TRERF1: variants seen among roughly 807,000 people sequenced by gnomAD.
TRERF1 encodes the protein transcriptional regulating factor 1, also known as transcriptional-regulating factor 1.
TRERF1 carries 27 observed loss-of-function variants against 122.9 expected under a neutral mutation model. That is an observed-to-expected ratio of 0.22 (90% confidence interval 0.16 to 0.30). The LOEUF (loss-of-function observed/expected upper bound fraction) is 0.30. Ranked by LOEUF, TRERF1 falls within the 10% of genes least tolerant of loss-of-function variation. The pLI is 1.00. For synonymous variants in TRERF1, 636 were observed against 641.7 expected (o/e 0.99, Z 0.13); for missense variants, 1,248 against 1,560.3 (o/e 0.80, Z 3.37).
intron 2 of TRERF1, among the ~76,000 whole-genome samples, chr6:42,409,754 G>A (rs143039416): frequency 2.0e-4 from 31 of 152,248 alleles, no homozygotes; most frequent in African/African-American, 7.0e-4. Context: ...TGTTAAATAA[G>A]AGTAGAGATA....
At chr6:42,330,128 G>C (rs1425259924) in intron 3 of TRERF1, among the ~76,000 whole-genome samples, 3 of 152,044 alleles carry the variant, frequency 2.0e-5, no homozygotes, top group Non-Finnish European at 4.4e-5. Context: ...AAATCAATAA[G>C]AAAATAACCA....
chr6:42,277,676 C>T (rs752291002), intron 4 of TRERF1, among the ~76,000 whole-genome samples: 10 of 152,074 alleles, frequency 6.6e-5, no homozygotes, highest in Non-Finnish European at 1.5e-4. Flanking sequence ...CATAGTGAGA[C>T]CCCATTTCTA....
Position 42,331,997 on chromosome 6 carries a change from C to T in TRERF1, c.-371+31000G>A, listed in dbSNP as rs150270116. Among the ~76,000 whole-genome samples, 38 of 152,332 alleles carry T rather than the reference C, an allele frequency of 2.5e-4. No homozygotes were observed. The East Asian group carries it at 6.0e-3, about 24-fold the overall frequency. On this transcript the variant is annotated intron_variant, in intron 3 of 17. Transcript: ENST00000372922. ...TTACTCTGTCGCCCAGGCTACAGTA[C>T]GGTGGTGTGATCTTGGCTCACTGCA...
In TRERF1 at chr6:42,256,706, CCT is replaced by C; in HGVS notation, c.2580+20_2580+21del. 6.2e-7 allele frequency: 1 copy of C among 1,600,686 alleles called. No homozygotes were observed. Among genetic ancestry groups the C allele is most frequent in the Non-Finnish European group, 8.6e-7 (1 of 1,167,794 alleles). Reference sequence around the variant, plus strand: ...AAATACTCTTCAGGAATTTGTAAAGCCTCTTTTTCATGGTTCCTTACCATCAC... The same window carrying C: ...AAATACTCTTCAGGAATTTGTAAAGCCTTTTTCATGGTTCCTTACCATCAC... On this transcript the variant is annotated intron_variant, in intron 12 of 17. Coordinates refer to ENST00000372922, the Ensembl canonical transcript of TRERF1.
chr6:42,322,260 T>C (rs1434385291), intron 3 of TRERF1, among the ~76,000 whole-genome samples: 1 of 152,064 alleles, frequency 6.6e-6, no homozygotes, highest in East Asian at 1.9e-4. Flanking sequence ...TAAGTTGTTA[T>C]CTATCATAAC....
At chr6:42,332,300 A>C (rs960178556) in intron 3 of TRERF1, among the ~76,000 whole-genome samples, 2 of 152,264 alleles carry the variant, frequency 1.3e-5, no homozygotes, top group Non-Finnish European at 2.9e-5. Flanking sequence ...TGAGAGAGAC[A>C]AGGTGAGGTG....
chr6:42,306,165 C>G (rs144034475), intron 3 of TRERF1, among the ~76,000 whole-genome samples: 1 of 151,830 alleles, frequency 6.6e-6, no homozygotes, highest in Non-Finnish European at 1.5e-5. Context: ...CCATGCCCAG[C>G]TAATTTTTGT....
chr6:42,331,249 G>A (rs1240868953), intron 3 of TRERF1, among the ~76,000 whole-genome samples: 2 of 152,192 alleles, frequency 1.3e-5, no homozygotes, highest in Non-Finnish European at 2.9e-5. Context: ...TGGTAACTGA[G>A]GCAGCAGGAC....
intron 3 of TRERF1, among the ~76,000 whole-genome samples, chr6:42,316,274 C>T (rs1437186478): frequency 6.6e-6 from 1 of 152,118 alleles, no homozygotes; most frequent in Non-Finnish European, 1.5e-5. Flanking sequence ...TGGTCTGCCT[C>T]AGTGGAAAGA....
chr6:42,411,508 A>G (rs974732689), intron 2 of TRERF1, among the ~76,000 whole-genome samples: 4 of 152,230 alleles, frequency 2.6e-5, no homozygotes, highest in African/African-American at 4.8e-5. Context: ...ACTGAGACTC[A>G]GAGAAGGAAA....
At chr6:42,351,425 T>C (rs1032081232) in intron 3 of TRERF1, among the ~76,000 whole-genome samples, 3 of 152,226 alleles carry the variant, frequency 2.0e-5, no homozygotes, top group South Asian at 2.1e-4. Context: ...GAATAATATG[T>C]CGGCTTTAAA....
chr6:42,268,010 G>T lies in TRERF1; in HGVS notation c.1437+144C>A. 3 of 1,019,964 alleles carry T rather than the reference G, an allele frequency of 2.9e-6. No homozygotes were observed. The highest frequency in any genetic ancestry group is 3.9e-6 in the Non-Finnish European group (3 of 761,236). The allele number at this position is 1,019,964 out of a possible 1,614,324, so 63.2% of individuals were successfully genotyped here. ...ATTCCAAGTGCTTGGCACAGACAGTGCGTGACACATGTAGGTTAATGTTTG... is the reference window on the plus strand; with the variant it reads ...ATTCCAAGTGCTTGGCACAGACAGTTCGTGACACATGTAGGTTAATGTTTG... On this transcript the variant is annotated intron_variant, in intron 5 of 17. Transcript: ENST00000372922. This position sits in a 1 kb window ranked among gnomAD's most constrained non-coding sequence, Gnocchi z 4.4.
chr6:42,248,357 C>CTT (rs112540098), intron 13 of TRERF1, among the ~76,000 whole-genome samples: 1 of 145,978 alleles, frequency 6.9e-6, no homozygotes, highest in African/African-American at 2.5e-5. Flanking sequence ...TTATCTTTTT[C>CTT]TTTTTTTTTT....
chr6:42,306,658 C>A (rs936817181), intron 3 of TRERF1, among the ~76,000 whole-genome samples: 2 of 152,236 alleles, frequency 1.3e-5, no homozygotes. Context: ...ACCCCAGGGC[C>A]TTTGCACATG....
chr6:42,232,885 C>G lies in TRERF1; in HGVS notation c.3074G>C (p.Ser1025Thr). The G allele has an allele frequency of 1.9e-6, 3 of 1,600,152 alleles. No homozygotes were observed. The highest frequency in any genetic ancestry group is 2.6e-6 in the Non-Finnish European group (3 of 1,172,338). ...ATGGCCATTCAGTGCCTGTCGGGAG[C>G]TGAACACCTGGGGAAGAAAGGGAGT... Residue 1025 changes from serine (S) to threonine (T), a missense_variant, in exon 17 of 18, where the codon AGC becomes ACC. Around this residue, in one of 5 missense-constraint regions of TRERF1, gnomAD observed 159 missense variants for 221.7 expected, o/e 0.72. Coordinates refer to ENST00000372922, the Ensembl canonical transcript of TRERF1. The surrounding 1 kb of genome is among the most constrained non-coding windows in gnomAD (Gnocchi z 4.5).
At chr6:42,411,309 G>A (rs576393959) in intron 2 of TRERF1, among the ~76,000 whole-genome samples, 83 of 152,254 alleles carry the variant, frequency 5.5e-4, no homozygotes, top group Non-Finnish European at 1.0e-3. Context: ...ACTGAGGTCC[G>A]GGAGGGTTAA....
In TRERF1 at chr6:42,259,667, G is replaced by A; in HGVS notation, c.1941C>T (p.Thr647=). ...GCCGGAACTTTTTCTTCTCCTGCAC[G>A]GTCTTGAGGGGCTCCTCGGCTTTGG... Residue 647 remains threonine (T), a synonymous_variant, in exon 9 of 18, where the codon ACC becomes ACT. Coordinates refer to ENST00000372922, the Ensembl canonical transcript of TRERF1. This position sits in a 1 kb window ranked among gnomAD's most constrained non-coding sequence, Gnocchi z 4.9. 3 of 1,609,868 alleles carry A rather than the reference G, an allele frequency of 1.9e-6. No homozygotes were observed. The highest frequency in any genetic ancestry group is 2.5e-6 in the Non-Finnish European group (3 of 1,179,984).
chr6:42,315,394 A>G (rs765865070), intron 3 of TRERF1, among the ~76,000 whole-genome samples: 4 of 152,220 alleles, frequency 2.6e-5, no homozygotes, highest in Non-Finnish European at 5.9e-5. Context: ...ACAGAAGCAC[A>G]TGCCAAGGAC....
intron 4 of TRERF1, among the ~76,000 whole-genome samples, chr6:42,291,962 G>C (rs1311364154): frequency 6.6e-6 from 1 of 152,130 alleles, no homozygotes; most frequent in Non-Finnish European, 1.5e-5. Context: ...GTCAAAGATT[G>C]GGGTTCAAAT....
Sources: gnomAD v4.1 joint callset for allele counts (sites outside exome capture counted in the v4.1 genomes callset) on GRCh38, gnomAD v4.1.1 for gene constraint, gnomAD v4.1.1 regional missense constraint, Gnocchi (gnomAD v3.1) non-coding constraint, MANE v1.5 for transcripts, NCBI Gene and HGNC (gene_info 2026-07-23, HGNC 2026-07-21) for gene names.